Variants in RANBP2 observed in about 807,000 individuals in gnomAD.
RANBP2 encodes the protein RAN binding protein 2.
A neutral mutation model predicts 303.6 loss-of-function variants in RANBP2; 57 were observed. That is an observed-to-expected ratio of 0.19 (90% CI 0.15 to 0.23). The LOEUF (loss-of-function observed/expected upper bound fraction) is 0.23, where lower values mean the gene tolerates loss of function less well. RANBP2 is among the 10% of genes least tolerant of loss of function. The pLI is 1.00. For missense variants in RANBP2, 3,138 were observed against 3,780.8 expected, an observed-to-expected ratio of 0.83 and a Z score of 4.46; for synonymous variants, 1,167 against 1,301.5, an observed-to-expected ratio of 0.90 and a Z score of 2.23.
At chr2:109,630,475 T>C in the RANBP2 span, among the ~76,000 whole-genome samples, 1 of 152,186 alleles carries the variant, frequency 6.6e-6, no homozygotes. Context: ...TACTGTCCAT[T>C]CTGCCCTGCC....
At chr2:109,729,676 C>T in the RANBP2 span, among the ~76,000 whole-genome samples, 1 of 151,894 alleles carries the variant, frequency 6.6e-6, no homozygotes, top group Non-Finnish European at 1.5e-5. Context: ...AAAAACAAAA[C>T]ACTATTGGAG....
chr2:108,857,265 G>A, the RANBP2 span, among the ~76,000 whole-genome samples: 1 of 151,852 alleles, frequency 6.6e-6, no homozygotes, highest in Non-Finnish European at 1.5e-5. Flanking sequence ...TTTTGGTAGA[G>A]ACGGGGTTTC....
the RANBP2 span, among the ~76,000 whole-genome samples, chr2:109,227,487 A>G: frequency 6.6e-6 from 1 of 152,292 alleles, no homozygotes; most frequent in Non-Finnish European, 1.5e-5. Context: ...CATTGAAGCT[A>G]TCAGGGACTG....
chr2:108,742,452 C>T (rs1445407522), intron 7 of RANBP2, among the ~76,000 whole-genome samples: 1 of 152,074 alleles, frequency 6.6e-6, no homozygotes, highest in African/African-American at 2.4e-5. Flanking sequence ...TACAGGCACA[C>T]ACCACCATGC....
At chr2:109,200,189 G>C in the RANBP2 span, among the ~76,000 whole-genome samples, 1 of 152,114 alleles carries the variant, frequency 6.6e-6, no homozygotes, top group Non-Finnish European at 1.5e-5. Flanking sequence ...CAAGAGAACA[G>C]AATAAGAAAC....
the RANBP2 span, among the ~76,000 whole-genome samples, chr2:108,852,991 T>A: frequency 6.6e-6 from 1 of 152,240 alleles, no homozygotes; most frequent in Non-Finnish European, 1.5e-5. Flanking sequence ...TCAAAGTTAA[T>A]ATTTTTGAAA....
chr2:109,391,590 G>T, the RANBP2 span, among the ~76,000 whole-genome samples: 4 of 152,212 alleles, frequency 2.6e-5, no homozygotes, highest in African/African-American at 9.7e-5. Flanking sequence ...GTGTGGCCAC[G>T]GCTTGTGGCC....
the RANBP2 span, among the ~76,000 whole-genome samples, chr2:109,690,746 A>G: frequency 3.2e-4 from 49 of 152,014 alleles, no homozygotes; most frequent in African/African-American, 1.1e-3. Flanking sequence ...TTGGGTATGG[A>G]AGGGGAATGC....
At chr2:109,493,851 C>A in the RANBP2 span, among the ~76,000 whole-genome samples, 1 of 152,114 alleles carries the variant, frequency 6.6e-6, no homozygotes, top group Non-Finnish European at 1.5e-5. Context: ...CCACATAATA[C>A]AAACACATAT....
intron 20 of RANBP2, among the ~76,000 whole-genome samples, chr2:108,769,787 T>C (rs950275001): frequency 4.6e-5 from 7 of 151,684 alleles, no homozygotes; most frequent in Non-Finnish European, 8.8e-5. Flanking sequence ...GCATATTATA[T>C]ATGTTGCACC....
At chr2:108,834,486 A>AT in the RANBP2 span, among the ~76,000 whole-genome samples, 1 of 152,162 alleles carries the variant, frequency 6.6e-6, no homozygotes, top group East Asian at 1.9e-4. Context: ...AAGTGCTGGG[A>AT]TTACAGGCAT....
the RANBP2 span, among the ~76,000 whole-genome samples, chr2:109,662,129 G>A: frequency 2.0e-5 from 3 of 152,116 alleles, no homozygotes. Flanking sequence ...GGAGACTTTG[G>A]CTCAAGGACT....
At chr2:109,448,637 G>A in the RANBP2 span, among the ~76,000 whole-genome samples, 1 of 152,164 alleles carries the variant, frequency 6.6e-6, no homozygotes, top group Non-Finnish European at 1.5e-5. Context: ...CTAGTTGCAG[G>A]AAAATAAGCT....
At chr2:109,565,656 G>A in the RANBP2 span, 1 of 987,566 alleles carries the variant, frequency 1.0e-6, no homozygotes, top group South Asian at 1.4e-5. Context: ...CAATTCCTCT[G>A]ACAACCAATC....
At chr2:109,025,448 A>G in the RANBP2 span, among the ~76,000 whole-genome samples, 1 of 152,218 alleles carries the variant, frequency 6.6e-6, no homozygotes, top group Non-Finnish European at 1.5e-5. Flanking sequence ...TAAAGATATG[A>G]TTTATAACTT....
At chr2:109,444,049 C>A in the RANBP2 span, among the ~76,000 whole-genome samples, 2 of 152,066 alleles carry the variant, frequency 1.3e-5, no homozygotes, top group Admixed American at 1.3e-4. Flanking sequence ...AACTACATTC[C>A]CTGACCACAG....
the RANBP2 span, among the ~76,000 whole-genome samples, chr2:109,606,672 C>CTTTTTTTTTT: frequency 2.4e-4 from 17 of 71,908 alleles, no homozygotes; most frequent in African/African-American, 6.0e-4. Context: ...AAATTTTAAG[C>CTTTTTTTTTT]TTTTTTTTTT....
chr2:109,474,412 G>C, the RANBP2 span, among the ~76,000 whole-genome samples: 4 of 152,316 alleles, frequency 2.6e-5, no homozygotes, highest in Non-Finnish European at 5.9e-5. Context: ...TAACAGAGAA[G>C]GAGGGGCTGT....
chr2:109,440,731 G>C, the RANBP2 span, among the ~76,000 whole-genome samples: 5 of 152,190 alleles, frequency 3.3e-5, no homozygotes, highest in Non-Finnish European at 7.3e-5. Context: ...TTGTGTGACA[G>C]AGAGGGCTTG....
Sources: gnomAD v4.1 joint callset for allele counts (sites outside exome capture counted in the v4.1 genomes callset) on GRCh38, gnomAD v4.1.1 for gene constraint, MANE v1.5 for transcripts, NCBI Gene and HGNC (gene_info 2026-07-23, HGNC 2026-07-21) for gene names.